Variants in UBASH3B observed in about 807,000 individuals in gnomAD.
The protein encoded by UBASH3B is ubiquitin associated and SH3 domain containing B.
A neutral mutation model predicts 83.4 loss-of-function variants in UBASH3B; 37 were observed. The observed-to-expected ratio is 0.44, with a 90% CI of 0.34 to 0.58. The LOEUF is 0.58. Ranked by LOEUF, UBASH3B falls within the 20% of genes least tolerant of loss-of-function variation. The pLI is 0.01. For missense variants in UBASH3B, 657 were observed against 827.2 expected (o/e 0.79, Z 2.52); for synonymous variants, 304 against 318.3 (o/e 0.96, Z 0.48).
chr11:122,669,354 C>A (rs1863560924), intron 1 of UBASH3B, among the ~76,000 whole-genome samples: 1 of 152,162 alleles, frequency 6.6e-6, no homozygotes, highest in African/African-American at 2.4e-5. Context: ...CCAAGCCCTC[C>A]TCATCATCAT....
intron 6 of UBASH3B, among the ~76,000 whole-genome samples, chr11:122,790,006 CTCTT>C (rs1249339346): frequency 6.6e-6 from 1 of 152,258 alleles, no homozygotes; most frequent in Non-Finnish European, 1.5e-5. Flanking sequence ...AAGCCATCTT[CTCTT>C]TCTTAGTTGG....
At chr11:122,719,038 AAAAT>A (rs1260056654) in intron 1 of UBASH3B, among the ~76,000 whole-genome samples, 1 of 152,162 alleles carries the variant, frequency 6.6e-6, no homozygotes, top group Non-Finnish European at 1.5e-5. Context: ...CCGTCTCTCA[AAAAT>A]AAATAAAAAA....
intron 1 of UBASH3B, among the ~76,000 whole-genome samples, chr11:122,664,625 G>C (rs10892873): frequency 0.33 from 50,443 of 152,016 alleles, 8,692 homozygotes; most frequent in Non-Finnish European, 0.38. Context: ...GTATGTGATA[G>C]GTGATCCCTT....
chr11:122,783,211 G>A lies in UBASH3B; in HGVS notation c.760G>A (p.Ala254Thr). The stretch of plus-strand genomic sequence containing the variant: ...CATATTTTCTCGGGATATCCGATTT[G>A]CTAACCATGAGGTAATGTCTCACTG... ...ATIFSRDIRF[A>T]NHETLQVIYP... Residue 254 changes from alanine to threonine, a missense_variant, in exon 5 of 14, where the codon GCT (alanine) becomes ACT (threonine). This residue lies in a region of UBASH3B where 573 missense variants were observed against 739.0 expected (regional missense o/e 0.78). Transcript: ENST00000284273. 6.2e-7 allele frequency: 1 copy of A among 1,613,830 alleles called. No homozygotes were observed. The highest frequency in any genetic ancestry group is 1.3e-5 in the African/African-American group (1 of 75,030).
At chr11:122,736,211 A>G (rs934298317) in intron 1 of UBASH3B, among the ~76,000 whole-genome samples, 1 of 151,668 alleles carries the variant, frequency 6.6e-6, no homozygotes, top group Non-Finnish European at 1.5e-5. Context: ...CAGTTCTCCA[A>G]GTGCACAGAT....
chr11:122,808,967 T>A (rs1363570969), intron 13 of UBASH3B, among the ~76,000 whole-genome samples: 1 of 94,464 alleles, frequency 1.1e-5, no homozygotes, highest in Non-Finnish European at 2.4e-5. Context: ...TTGCAGAGAC[T>A]CGTAAGGAGA....
chr11:122,665,262 C>G (rs180973866), intron 1 of UBASH3B, among the ~76,000 whole-genome samples: 1 of 152,168 alleles, frequency 6.6e-6, no homozygotes, highest in African/African-American at 2.4e-5. Context: ...ATTGCAGCCT[C>G]GAACACTTGG....
At chr11:122,714,530 A>T (rs1860473968) in intron 1 of UBASH3B, among the ~76,000 whole-genome samples, 1 of 152,246 alleles carries the variant, frequency 6.6e-6, no homozygotes, top group South Asian at 2.1e-4. Flanking sequence ...GCCCAGAGGC[A>T]GCGGGGTAAA....
chr11:122,776,852 T>C (rs889593596), intron 2 of UBASH3B, among the ~76,000 whole-genome samples, 172 bp from the exon 3 acceptor site: 2 of 152,134 alleles, frequency 1.3e-5, no homozygotes, highest in African/African-American at 4.8e-5. Context: ...CATCTGAGAA[T>C]TGGTTATGAA....
intron 12 of UBASH3B, among the ~76,000 whole-genome samples, chr11:122,807,402 T>G (rs1485900135): frequency 6.6e-6 from 1 of 152,198 alleles, no homozygotes; most frequent in Non-Finnish European, 1.5e-5. Flanking sequence ...CTGAATACGC[T>G]GTGTGTATTG....
At chr11:122,683,889 T>C (rs950657763) in intron 1 of UBASH3B, among the ~76,000 whole-genome samples, 3 of 152,118 alleles carry the variant, frequency 2.0e-5, no homozygotes, top group Non-Finnish European at 2.9e-5. Context: ...TTCTTGTTGA[T>C]GACGAGGTCT....
At chr11:122,664,293 T>C (rs1863485171) in intron 1 of UBASH3B, among the ~76,000 whole-genome samples, 1 of 152,166 alleles carries the variant, frequency 6.6e-6, no homozygotes, top group Non-Finnish European at 1.5e-5. Flanking sequence ...TATGGTTGTC[T>C]TCTGATTACT....
At chr11:122,791,495 A>C (rs1333301735) in intron 6 of UBASH3B, among the ~76,000 whole-genome samples, 1 of 152,096 alleles carries the variant, frequency 6.6e-6, no homozygotes, top group East Asian at 1.9e-4. Flanking sequence ...TCTTTTTTCT[A>C]TCTTGTGTTT....
chr11:122,724,341 T>C (rs1026406373), intron 1 of UBASH3B, among the ~76,000 whole-genome samples: 1 of 152,200 alleles, frequency 6.6e-6, no homozygotes, highest in Non-Finnish European at 1.5e-5. Context: ...GGCAGGCATG[T>C]AGAAGTTGCG....
rs566223204 is a variant in UBASH3B, at chr11:122,706,531, C to T, written c.161+50321C>T. 3.3e-5 allele frequency among the ~76,000 whole-genome samples: 5 copies of T among 152,224 alleles called. No individual in the cohort carries two copies. The East Asian group carries it at 9.6e-4, about 29-fold the overall frequency. On this transcript the variant is annotated intron_variant, in intron 1 of 13. Transcript: ENST00000284273. Reference sequence around the variant, plus strand: ...TACATTCTGCATTTTACTCCAGTACCTAGATACGAGATTCTTTTAGGAAGT... The same window carrying T: ...TACATTCTGCATTTTACTCCAGTACTTAGATACGAGATTCTTTTAGGAAGT...
At chr11:122,762,141 G>A (rs979627982) in intron 1 of UBASH3B, among the ~76,000 whole-genome samples, 2 of 152,012 alleles carry the variant, frequency 1.3e-5, no homozygotes, top group Admixed American at 1.3e-4. Flanking sequence ...CTTTTGCACC[G>A]ACCTAATAAC....
At chr11:122,753,192 C>G (rs1861227085) in intron 1 of UBASH3B, among the ~76,000 whole-genome samples, 1 of 151,662 alleles carries the variant, frequency 6.6e-6, no homozygotes, top group African/African-American at 2.4e-5. Context: ...GCCTGTAACC[C>G]CAGCATTTTG....
intron 1 of UBASH3B, among the ~76,000 whole-genome samples, chr11:122,675,687 C>A (rs985825513): frequency 2.0e-5 from 3 of 152,094 alleles, no homozygotes; most frequent in African/African-American, 7.2e-5. Context: ...TCCATGGCCC[C>A]CAGAGATAAA....
intron 5 of UBASH3B, among the ~76,000 whole-genome samples, chr11:122,785,577 A>G (rs1219515847): frequency 1.3e-5 from 2 of 152,190 alleles, no homozygotes; most frequent in Non-Finnish European, 1.5e-5. Flanking sequence ...TAGTGATTAC[A>G]TTGGGCCATG....
Sources: gnomAD v4.1 joint callset for allele counts (sites outside exome capture counted in the v4.1 genomes callset) on GRCh38, gnomAD v4.1.1 for gene constraint, gnomAD v4.1.1 regional missense constraint, MANE v1.5 for transcripts, NCBI Gene and HGNC (gene_info 2026-07-23, HGNC 2026-07-21) for gene names.